The following PHKA1 variants were observed in gnomAD, a reference collection of about 807,000 sequenced individuals.
The protein encoded by PHKA1 is phosphorylase kinase regulatory subunit alpha 1, also known as phosphorylase b kinase regulatory subunit alpha, skeletal muscle isoform.
A neutral mutation model predicts 110.2 loss-of-function variants in PHKA1; 60 were observed. The ratio of observed to expected loss-of-function variants is 0.54; its 90% CI spans 0.44 to 0.68. The LOEUF is 0.68. Ranked by LOEUF, PHKA1 falls within the 30% of genes least tolerant of loss-of-function variation. The probability of loss-of-function intolerance (pLI) is 0.00; values close to 1 mark genes in which losing one functional copy is unlikely to be tolerated. For synonymous variants in PHKA1, 316 were observed against 333.6 expected (o/e 0.95, Z 0.58); for missense variants, 801 against 942.5 (o/e 0.85, Z 1.97).
At chrX:72,701,804 C>CT (rs782050507) in intron 3 of PHKA1, among the ~76,000 whole-genome samples, 2 of 112,041 alleles carry the variant, frequency 1.8e-5, no homozygotes, top group African/African-American at 6.5e-5. Context: ...AATAATTATT[C>CT]TTGCTGCACT....
At chrX:72,656,405 C>T (rs782362270) in intron 9 of PHKA1, among the ~76,000 whole-genome samples, 163 bp from the exon 10 acceptor site, 4 of 112,207 alleles carry the variant, frequency 3.6e-5, no homozygotes, top group African/African-American at 9.7e-5. Context: ...CTCTATGATG[C>T]GACTTCTAAC....
intron 17 of PHKA1, among the ~76,000 whole-genome samples, chrX:72,626,082 G>GTA (rs1327268567): frequency 3.7e-5 from 4 of 109,170 alleles, no homozygotes; most frequent in African/African-American, 1.0e-4. Context: ...GTATATATAT[G>GTA]TATATATATA....
rs970248663 is a variant in PHKA1, at chrX:72,677,611, T to C, written c.538-1461A>G. ...ATTTATTTATTTATTCAGTTATTTATATTACTATGAACTTACAGATATTTA... is the reference window on the plus strand; with the variant it reads ...ATTTATTTATTTATTCAGTTATTTACATTACTATGAACTTACAGATATTTA... On this transcript the variant is annotated intron_variant, in intron 5 of 31. Coordinates refer to ENST00000373542, the MANE Select transcript of PHKA1 (RefSeq NM_002637.4). Among the ~76,000 whole-genome samples, 24 of 111,969 alleles carry C rather than the reference T, an allele frequency of 2.1e-4. 2 individuals are homozygous for C. In the Admixed American group the frequency reaches 2.2e-3, roughly 10 times the overall value.
At chrX:72,699,357 A>T (rs1360126653) in intron 3 of PHKA1, among the ~76,000 whole-genome samples, 2 of 107,917 alleles carry the variant, frequency 1.9e-5, no homozygotes, top group Non-Finnish European at 3.8e-5. Flanking sequence ...ACAAAAAAAA[A>T]TTAGCTGGGT....
chrX:72,712,991 G>C lies in PHKA1; in HGVS notation c.79-54C>G, dbSNP rs1467279098. ...AGGTAACCATAGGTGTTAACATCAG[G>C]AAACAGAATCTTCCAAATGGGTTTT... On this transcript the variant is annotated intron_variant, in intron 1 of 31. Transcript: ENST00000373542. The C allele has an allele frequency of 8.6e-6, 10 of 1,162,779 alleles. No individual in the cohort carries two copies. The African/African-American group carries it at 1.2e-4, about 14-fold the overall frequency.
At chrX:72,668,933 T>G (rs1556307578) in intron 6 of PHKA1, among the ~76,000 whole-genome samples, 1 of 112,249 alleles carries the variant, frequency 8.9e-6, no homozygotes, top group Non-Finnish European at 1.9e-5. Flanking sequence ...ATATTCCCAT[T>G]CTAAAAGAGA....
At chrX:72,681,366 C>G (rs1364328888) in intron 5 of PHKA1, among the ~76,000 whole-genome samples, 1 of 113,133 alleles carries the variant, frequency 8.8e-6, no homozygotes. Context: ...CCTCTCCGCC[C>G]GGCAGCCACC....
At position 72,656,223 on chromosome X, in the gene PHKA1, T is replaced by G. The variant is rs1306876951; in HGVS notation, c.938A>C (p.Tyr313Ser). 3 of 1,210,567 alleles carry G rather than the reference T, an allele frequency of 2.5e-6. No homozygotes were observed. Among genetic ancestry groups the G allele is most frequent in the Non-Finnish European group, 3.4e-6 (3 of 894,195 alleles). ...TPKEDPNRLY[Y>S]EPAELKLFEN... ...AAATAGCTTCAGCTCAGCTGGTTCA[T>G]AGTACAGACGATTGGGATCCTAGTA... The change falls in exon 10 of 32, where the codon TAT (tyrosine) becomes TCT (serine). Residue 313 changes from tyrosine to serine, a missense_variant. Physicochemically the swap from Tyr to Ser is moderately radical, Grantham distance 144. Transcript: ENST00000373542.
chrX:72,596,565 G>A lies in PHKA1; in HGVS notation c.3073-3291C>T, dbSNP rs1029130047. Among the ~76,000 whole-genome samples the A allele has an allele frequency of 2.7e-5, 3 of 111,369 alleles. No homozygotes were observed. In the Admixed American group the frequency reaches 2.9e-4, roughly 11 times the overall value. On this transcript the variant is annotated intron_variant, in intron 28 of 31. Coordinates refer to ENST00000373542, the MANE Select transcript of PHKA1 (RefSeq NM_002637.4). ...AATAACGTTAAGAATAACAAAATATGTAGGAATAAATTTAACAAAAGAAGT... is the reference window on the plus strand; with the variant it reads ...AATAACGTTAAGAATAACAAAATATATAGGAATAAATTTAACAAAAGAAGT...
intron 12 of PHKA1, among the ~76,000 whole-genome samples, chrX:72,651,030 TAAAC>T (rs1478908134): frequency 2.7e-5 from 3 of 112,322 alleles, no homozygotes; most frequent in Admixed American, 9.4e-5. Flanking sequence ...AAATTATAAA[TAAAC>T]AAAGTTTTCT....
chrX:72,607,664 A>G (rs1452467041), intron 23 of PHKA1, among the ~76,000 whole-genome samples: 2 of 111,597 alleles, frequency 1.8e-5, no homozygotes, highest in Admixed American at 1.9e-4. Context: ...ATTTTCTCCC[A>G]TTGCACCTTT....
In PHKA1 at chrX:72,582,566, A is replaced by G. The variant is rs1556204447; in HGVS notation, c.3330T>C (p.His1110=). Residue 1110 remains histidine (H), a synonymous_variant, in exon 31 of 32, where the codon CAT becomes CAC. Coordinates refer to ENST00000373542, the MANE Select transcript of PHKA1 (RefSeq NM_002637.4). ...GTACACGATTCAGGACAGACTCCACATGAACAGAGAATTTAATCTCACCTG... is the reference window on the plus strand; with the variant it reads ...GTACACGATTCAGGACAGACTCCACGTGAACAGAGAATTTAATCTCACCTG... ...MTPGEIKFSV[H]VESVLNRVPQ... The G allele has an allele frequency of 8.3e-7, 1 of 1,200,271 alleles. No homozygotes were observed. The highest frequency in any genetic ancestry group is 2.3e-4 in the Middle Eastern group (1 of 4,324).
At chrX:72,699,098 T>G (rs902891004) in intron 3 of PHKA1, among the ~76,000 whole-genome samples, 1 of 111,353 alleles carries the variant, frequency 9.0e-6, no homozygotes, top group Non-Finnish European at 1.9e-5. Context: ...TAGGAAAACA[T>G]TCTTGCTAAA....
chrX:72,632,254 T>G (rs1377556960), intron 16 of PHKA1, among the ~76,000 whole-genome samples: 1 of 111,889 alleles, frequency 8.9e-6, no homozygotes, highest in African/African-American at 3.2e-5. Context: ...TAGAAGTATG[T>G]TGTTGTTTCC....
intron 5 of PHKA1, 111 bp downstream of exon 5, chrX:72,684,386 CT>C: frequency 1.9e-6 from 1 of 532,791 alleles, no homozygotes; most frequent in South Asian, 2.6e-5. Context: ...TGCCAGAAGC[CT>C]TTTAGGTTGG....
At chrX:72,671,638 A>G (rs1235249387) in intron 6 of PHKA1, among the ~76,000 whole-genome samples, 2 of 111,728 alleles carry the variant, frequency 1.8e-5, no homozygotes, top group African/African-American at 6.5e-5. Context: ...AGTCAATCCT[A>G]AGCCAAAAGA....
At chrX:72,700,393 C>T (rs968852466) in intron 3 of PHKA1, among the ~76,000 whole-genome samples, 2 of 111,567 alleles carry the variant, frequency 1.8e-5, no homozygotes, top group African/African-American at 6.5e-5. Context: ...TCCCTGAAGT[C>T]CAAAAATGTC....
intron 21 of PHKA1, among the ~76,000 whole-genome samples, chrX:72,612,840 C>G (rs1228974874): frequency 1.8e-5 from 2 of 111,778 alleles, no homozygotes; most frequent in Non-Finnish European, 3.8e-5. Flanking sequence ...AAGTGACTTA[C>G]CTAATTTCTG....
At position 72,636,259 on chromosome X, in the gene PHKA1, C is replaced by T. The variant is rs782520279; in HGVS notation, c.1569+18G>A. On this transcript the variant is annotated intron_variant, in intron 15 of 31. Transcript: ENST00000373542. ...ATTTCCATTCATCTCAATGCACATT[C>T]CAGTTTATTTCACCCACCTGTGGAG... The T allele has an allele frequency of 2.1e-6, 2 of 947,833 alleles. No homozygotes were observed. Among genetic ancestry groups the T allele is most frequent in the South Asian group, 1.9e-5 (1 of 51,556 alleles). The allele number at this position is 947,833 out of a possible 1,213,427, so 78.1% of individuals were successfully genotyped here.
Sources: gnomAD v4.1 joint callset for allele counts (sites outside exome capture counted in the v4.1 genomes callset) on GRCh38, gnomAD v4.1.1 for gene constraint, MANE v1.5 for transcripts, NCBI Gene and HGNC (gene_info 2026-07-23, HGNC 2026-07-21) for gene names.